Variants in FYB2 observed in about 807,000 individuals in gnomAD.
FYB2 encodes the protein FYN binding protein 2, also known as FYN-binding protein 2.
Under a neutral mutation model 94.1 loss-of-function variants are expected in FYB2, and 103 were observed. The observed-to-expected ratio is 1.09, with a 90% CI of 0.93 to 1.29. The LOEUF (loss-of-function observed/expected upper bound fraction) is 1.29, where lower values mean the gene tolerates loss of function less well. Among genes scored for constraint, FYB2 ranks in the 50% most tolerant of loss-of-function variants. The probability of loss-of-function intolerance (pLI) is 0.00; values close to 1 mark genes in which losing one functional copy is unlikely to be tolerated. For missense variants in FYB2, 896 were observed against 841.5 expected (o/e 1.06, Z -0.80); for synonymous variants, 293 against 287.9 (o/e 1.02, Z -0.18).
chr1:56,743,480 G>A lies in FYB2; in HGVS notation c.1543+546C>T, dbSNP rs145065519. Among the ~76,000 whole-genome samples, 409 of 152,180 alleles carry A rather than the reference G, an allele frequency of 2.7e-3. 1 individual carries two copies. The highest frequency in any genetic ancestry group is 4.8e-3 in the Non-Finnish European group (329 of 67,976). ...GCTGAGATTAGAAGATTAAGAGTCA[G>A]TGAAACAAAGGTACCCAGGGGAGGA... On this transcript the variant is annotated intron_variant, in intron 11 of 19. Transcript: ENST00000343433.
In FYB2 at chr1:56,789,806, C is replaced by T. The variant is rs140165226; in HGVS notation, c.758-672G>A. Among the ~76,000 whole-genome samples the T allele has an allele frequency of 2.6e-3, 403 of 152,304 alleles. 2 individuals carry two copies. Among genetic ancestry groups the T allele is most frequent in the Admixed American group, 5.4e-3 (82 of 15,298 alleles). The stretch of plus-strand genomic sequence containing the variant: ...CCCCCAGCACCAAGCACAGGGCCTA[C>T]CTCATAGGAGAGAGGCTGTGACTAT... On this transcript the variant is annotated intron_variant, in intron 2 of 19. Coordinates refer to ENST00000343433, the MANE Select transcript of FYB2 (RefSeq NM_001004303.5).
intron 7 of FYB2, among the ~76,000 whole-genome samples, chr1:56,755,554 T>C (rs984726730): frequency 6.6e-5 from 10 of 152,110 alleles, no homozygotes; most frequent in African/African-American, 2.4e-4. Flanking sequence ...ATTATTATTT[T>C]CCTGTTTGAG....
chr1:56,790,344 AGC>A lies in FYB2; in HGVS notation c.758-1212_758-1211del, dbSNP rs1002036707. Among the ~76,000 whole-genome samples the A allele has an allele frequency of 9.9e-5, 15 of 152,220 alleles. 1 individual carries two copies. Among genetic ancestry groups the A allele is most frequent in the Non-Finnish European group, 2.2e-4 (15 of 68,040 alleles). On this transcript the variant is annotated intron_variant, in intron 2 of 19. Coordinates refer to ENST00000343433, the MANE Select transcript of FYB2 (RefSeq NM_001004303.5). ...CTCTTCTTAGGCTTGAATTACAAGT[AGC>A]GTTGTCAAAAACTTCAGTCATTATC...
At chr1:56,815,887 A>G (rs529703568) in intron 1 of FYB2, among the ~76,000 whole-genome samples, 9 of 152,342 alleles carry the variant, frequency 5.9e-5, no homozygotes, top group African/African-American at 1.9e-4. Context: ...CAATGACTGT[A>G]TAACTAAGTG....
chr1:56,758,627 AT>A (rs530414154), intron 6 of FYB2, 88 bp downstream of exon 6: 6 of 1,041,358 alleles, frequency 5.8e-6, no homozygotes, highest in African/African-American at 3.3e-5. Flanking sequence ...AAACAAAGAC[AT>A]TTTTTCCCTC....
chr1:56,784,133 A>G (rs758991054), intron 4 of FYB2, among the ~76,000 whole-genome samples: 2 of 152,216 alleles, frequency 1.3e-5, no homozygotes, highest in African/African-American at 2.4e-5. Flanking sequence ...TACAGCTAGA[A>G]CACAAAGACT....
chr1:56,794,531 T>C (rs1333686648), intron 1 of FYB2, among the ~76,000 whole-genome samples: 1 of 152,174 alleles, frequency 6.6e-6, no homozygotes, highest in South Asian at 2.1e-4. Flanking sequence ...TCTCACCATA[T>C]TTACAGTTGA....
At position 56,763,191 on chromosome 1, in the gene FYB2, A is replaced by G. The variant is rs138557144; in HGVS notation, c.1064-4441T>C. 3.9e-5 allele frequency among the ~76,000 whole-genome samples: 6 copies of G among 152,320 alleles called. No homozygotes were observed. The South Asian group carries it at 1.0e-3, about 26-fold the overall frequency. ...TATTTTGTTGAGGAGTTTTATGACT[A>G]TGCTAATTAAGGATATTGATCTGAA... On this transcript the variant is annotated intron_variant, in intron 5 of 19. Transcript: ENST00000343433.
Position 56,790,989 on chromosome 1 carries a change from A to G in FYB2, c.757+1067T>C, listed in dbSNP as rs192993634. Among the ~76,000 whole-genome samples, 30 of 152,270 alleles carry G rather than the reference A, an allele frequency of 2.0e-4. 1 individual carries two copies. The highest frequency in any genetic ancestry group is 7.0e-4 in the African/African-American group (29 of 41,548). On this transcript the variant is annotated intron_variant, in intron 2 of 19. Coordinates refer to ENST00000343433, the MANE Select transcript of FYB2 (RefSeq NM_001004303.5). ...GAACAGCAAGAAATCTAGTGTGTTG[A>G]CTATGGGCAGAGAGCTCGGGGAAGA...
At chr1:56,737,451 T>C (rs1467652117) in intron 14 of FYB2, 1 of 224,328 alleles carries the variant, frequency 4.5e-6, no homozygotes, top group African/African-American at 2.3e-5. Context: ...CAAAGAGTCA[T>C]TTTTAGACTA....
intron 4 of FYB2, among the ~76,000 whole-genome samples, chr1:56,781,933 G>A (rs960626093): frequency 6.6e-6 from 1 of 152,024 alleles, no homozygotes; most frequent in Non-Finnish European, 1.5e-5. Flanking sequence ...TCCTTTAACT[G>A]GGCTGGGTCC....
chr1:56,771,989 T>C (rs996168478), intron 4 of FYB2, among the ~76,000 whole-genome samples: 4 of 152,126 alleles, frequency 2.6e-5, no homozygotes, highest in Non-Finnish European at 5.9e-5. Flanking sequence ...ATATTCTCTG[T>C]AATAATTCTA....
chr1:56,811,500 C>T (rs371176259), intron 1 of FYB2, among the ~76,000 whole-genome samples: 1 of 152,206 alleles, frequency 6.6e-6, no homozygotes, highest in East Asian at 1.9e-4. Flanking sequence ...TACCTCCAGG[C>T]AGTTTGTCAA....
chr1:56,800,485 A>G (rs1230787307), intron 1 of FYB2, among the ~76,000 whole-genome samples: 1 of 152,100 alleles, frequency 6.6e-6, no homozygotes, highest in Non-Finnish European at 1.5e-5. Flanking sequence ...AAATAAATAA[A>G]TTAATTAATT....
upstream of FYB2, among the ~76,000 whole-genome samples, chr1:56,820,167 G>A (rs1445765191): frequency 3.3e-5 from 5 of 150,734 alleles, no homozygotes; most frequent in Middle Eastern, 3.5e-3. Context: ...GGAGGCAGAC[G>A]TTGCAGTGAG....
chr1:56,762,648 T>C (rs1645526011), intron 5 of FYB2, among the ~76,000 whole-genome samples: 1 of 152,212 alleles, frequency 6.6e-6, no homozygotes, highest in South Asian at 2.1e-4. Context: ...GGTAAATTTC[T>C]TGGGAATTTC....
intron 1 of FYB2, among the ~76,000 whole-genome samples, chr1:56,809,249 C>T (rs1646711897): frequency 6.6e-6 from 1 of 152,170 alleles, no homozygotes; most frequent in Non-Finnish European, 1.5e-5. Context: ...TAGTTCAGTG[C>T]CAACTATGTA....
chr1:56,758,158 T>C (rs1330120524), intron 6 of FYB2, among the ~76,000 whole-genome samples: 1 of 152,052 alleles, frequency 6.6e-6, no homozygotes, highest in Non-Finnish European at 1.5e-5. Flanking sequence ...ACTAATAAGC[T>C]GTATACCTTC....
chr1:56,723,520 AT>A (rs559924677), intron 17 of FYB2, 67 bp downstream of exon 17: 11,609 of 803,986 alleles, frequency 0.014, no homozygotes, highest in South Asian at 0.018. Context: ...ATACTTACAG[AT>A]TTTTTTTTTA....
Sources: allele counts gnomAD v4.1 joint callset (sites outside exome capture counted in the v4.1 genomes callset), GRCh38; gene constraint gnomAD v4.1.1; transcripts MANE v1.5; gene names NCBI Gene and HGNC (gene_info 2026-07-23, HGNC 2026-07-21).